Variants in NTRK2 observed in about 807,000 individuals in gnomAD.
NTRK2 encodes the protein neurotrophic receptor tyrosine kinase 2, also known as BDNF/NT-3 growth factors receptor.
Under a neutral mutation model 94.5 loss-of-function variants are expected in NTRK2, and 13 were observed. That is an observed-to-expected ratio of 0.14 (90% CI 0.09 to 0.22). NTRK2 has a LOEUF of 0.22. NTRK2 is among the 10% of genes least tolerant of loss of function. NTRK2 has a pLI of 1.00. For synonymous variants in NTRK2, 372 were observed against 407.4 expected, an observed-to-expected ratio of 0.91 and a Z score of 1.05; for missense variants, 639 against 1,071.2, an observed-to-expected ratio of 0.60 and a Z score of 5.63.
At chr9:84,685,029 C>T (rs1396187182) in intron 2 of NTRK2, among the ~76,000 whole-genome samples, 3 of 151,128 alleles carry the variant, frequency 2.0e-5, no homozygotes, top group Admixed American at 6.6e-5. Context: ...GAAGATTATT[C>T]CCTTTTCTAA....
chr9:84,878,387 G>A (rs1023179017), intron 14 of NTRK2, among the ~76,000 whole-genome samples: 38 of 152,052 alleles, frequency 2.5e-4, no homozygotes, highest in Non-Finnish European at 4.4e-5. Context: ...TGTAATCCCA[G>A]CACTTTGGGA....
At chr9:84,816,940 A>G (rs939296725) in intron 12 of NTRK2, among the ~76,000 whole-genome samples, 64 of 152,328 alleles carry the variant, frequency 4.2e-4, no homozygotes, top group African/African-American at 1.4e-3. Flanking sequence ...TTTGTCACAG[A>G]CTATGCAGGT....
At chr9:84,869,288 C>A (rs1376817138) in intron 14 of NTRK2, among the ~76,000 whole-genome samples, 1 of 152,110 alleles carries the variant, frequency 6.6e-6, no homozygotes, top group African/African-American at 2.4e-5. Context: ...ACCCAAATGG[C>A]CAACCTCCAT....
intron 12 of NTRK2, among the ~76,000 whole-genome samples, chr9:84,800,645 G>C (rs191415761): frequency 6.6e-6 from 1 of 152,226 alleles, no homozygotes; most frequent in Non-Finnish European, 1.5e-5. Context: ...CCATGGAACA[G>C]TTCTCAGACC....
intron 14 of NTRK2, among the ~76,000 whole-genome samples, chr9:84,914,884 T>C (rs1487227381): frequency 2.0e-5 from 3 of 152,228 alleles, no homozygotes; most frequent in Non-Finnish European, 4.4e-5. Flanking sequence ...AGTCTTCTTA[T>C]GTTTGCTTAA....
intron 12 of NTRK2, among the ~76,000 whole-genome samples, chr9:84,808,584 A>C (rs907368315): frequency 2.0e-5 from 3 of 152,252 alleles, no homozygotes; most frequent in Admixed American, 2.0e-4. Flanking sequence ...TGCTCATTTT[A>C]CATGCCATAG....
chr9:84,898,443 A>G (rs569790223), intron 14 of NTRK2, among the ~76,000 whole-genome samples: 149 of 152,146 alleles, frequency 9.8e-4, no homozygotes, highest in Admixed American at 1.9e-3. Flanking sequence ...GTGGCTTAAA[A>G]CACTGTTGAA....
chr9:84,912,972 G>A (rs1156351687), intron 14 of NTRK2, among the ~76,000 whole-genome samples: 1 of 152,100 alleles, frequency 6.6e-6, no homozygotes, highest in Non-Finnish European at 1.5e-5. Flanking sequence ...ATATAGTCAG[G>A]TCATGTTTCT....
rs1303736654 is a variant in NTRK2, at chr9:85,024,216, G to T, written c.*2779G>T. On this transcript the variant is annotated 3_prime_UTR_variant, in exon 19 of 19. Transcript: ENST00000277120. ...CAGATTGCTTTTAAAGTAGCTGAAC[G>T]AGCCACAGAATATCTGAAATTATTC... 1 of 232,126 alleles carries T rather than the reference G, an allele frequency of 4.3e-6. No individual in the cohort carries two copies. Among genetic ancestry groups the T allele is most frequent in the African/African-American group, 2.2e-5 (1 of 45,258 alleles). The allele number at this position is 232,126 out of a possible 1,614,324, so 14.4% of individuals were successfully genotyped here.
chr9:85,011,834 C>G (rs1321131554), intron 17 of NTRK2, among the ~76,000 whole-genome samples: 1 of 152,118 alleles, frequency 6.6e-6, no homozygotes. Flanking sequence ...CTGACCTATA[C>G]TCTCTACCTC....
chr9:84,735,162 G>T (rs1466093904), intron 9 of NTRK2, among the ~76,000 whole-genome samples: 1 of 151,976 alleles, frequency 6.6e-6, no homozygotes, highest in East Asian at 1.9e-4. Flanking sequence ...AGGCCAGTCT[G>T]GTCAACAAAG....
intron 12 of NTRK2, among the ~76,000 whole-genome samples, chr9:84,797,455 C>T (rs528894465): frequency 1.4e-5 from 2 of 143,270 alleles, no homozygotes; most frequent in African/African-American, 5.2e-5. Flanking sequence ...TGACTGGATC[C>T]CTCTTCTCTT....
At chr9:84,998,111 G>A (rs1030048463) in intron 17 of NTRK2, among the ~76,000 whole-genome samples, 1 of 152,178 alleles carries the variant, frequency 6.6e-6, no homozygotes, top group African/African-American at 2.4e-5. Flanking sequence ...GAAGTGTTGG[G>A]ATCTTTAAGC....
At chr9:84,744,221 C>A (rs2063871215) in intron 10 of NTRK2, among the ~76,000 whole-genome samples, 1 of 152,124 alleles carries the variant, frequency 6.6e-6, no homozygotes, top group South Asian at 2.1e-4. Flanking sequence ...TTATTTCTAT[C>A]CTGACCCATG....
chr9:84,910,959 G>T (rs1034665687), intron 14 of NTRK2, among the ~76,000 whole-genome samples: 1 of 152,146 alleles, frequency 6.6e-6, no homozygotes, highest in Non-Finnish European at 1.5e-5. Context: ...TGATAGGAAT[G>T]GTGGTAAACC....
chr9:84,889,194 G>T (rs1023815260), intron 14 of NTRK2, among the ~76,000 whole-genome samples: 19 of 149,262 alleles, frequency 1.3e-4, no homozygotes, highest in African/African-American at 4.4e-4. Flanking sequence ...GTTTCACCGT[G>T]TTAGCCAGGA....
chr9:84,688,137 TC>T (rs755325645), intron 2 of NTRK2, among the ~76,000 whole-genome samples: 1 of 152,164 alleles, frequency 6.6e-6, no homozygotes, highest in Non-Finnish European at 1.5e-5. Flanking sequence ...AATTCTGGGA[TC>T]CTGGGGAAGG....
intron 17 of NTRK2, among the ~76,000 whole-genome samples, chr9:85,006,571 C>T (rs540419502): frequency 1.3e-5 from 2 of 152,258 alleles, no homozygotes; most frequent in South Asian, 4.1e-4. Flanking sequence ...GGTGGGATGG[C>T]CAACAGGCTA....
intron 9 of NTRK2, among the ~76,000 whole-genome samples, chr9:84,740,150 T>C (rs956443207): frequency 6.6e-6 from 1 of 152,272 alleles, no homozygotes; most frequent in Non-Finnish European, 1.5e-5. Context: ...TAAATTCCCA[T>C]GGTGAGGGGG....
Sources: allele counts gnomAD v4.1 joint callset (sites outside exome capture counted in the v4.1 genomes callset), GRCh38; gene constraint gnomAD v4.1.1; transcripts MANE v1.5; gene names NCBI Gene and HGNC (gene_info 2026-07-23, HGNC 2026-07-21).